RPL15: variants seen among roughly 807,000 people sequenced by gnomAD.
RPL15 encodes the protein large ribosomal subunit protein eL15.
For synonymous variants in RPL15, 97 were observed against 95.1 expected (o/e 1.02, Z -0.12); for missense variants, 161 against 271.8 (o/e 0.59, Z 2.87).
Position 23,920,919 on chromosome 3 carries a change from CAAA to C in RPL15, c.*1421_*1423del. The C allele has an allele frequency of 4.4e-6, 1 of 228,884 alleles. No individual in the cohort carries two copies. Among genetic ancestry groups the C allele is most frequent in the Non-Finnish European group, 7.2e-6 (1 of 138,168 alleles). 14.2% of individuals were successfully genotyped at this position (228,884 alleles called of 1,614,324 possible). A position where few individuals can be genotyped will look rare whatever the true frequency, so the allele number is the denominator to read the frequency against. ...AAAGCAAACCAAATGCCCTAACCAG[CAAA>C]AAGGCATCAAAATGTGATTATAGAA... On this transcript the variant is annotated 3_prime_UTR_variant, in exon 4 of 4. Transcript: ENST00000307839.
downstream of RPL15, chr3:23,921,522 A>G (rs1057081605): frequency 1.5e-6 from 1 of 676,082 alleles, no homozygotes. Context: ...CATTTGCTTT[A>G]CTATTTCTAT....
chr3:23,923,704 G>C (rs1330168105), downstream of RPL15: 1 of 152,186 alleles, frequency 6.6e-6, no homozygotes, highest in Non-Finnish European at 1.5e-5. Context: ...GAATGGCAGA[G>C]TTAAAAATTG....
Position 23,919,366 on chromosome 3 carries a change from G to A in RPL15, c.480G>A (p.Glu160=), listed in dbSNP as rs1471371877. The A allele has an allele frequency of 1.2e-6, 2 of 1,602,700 alleles. No homozygotes were observed. Among genetic ancestry groups the A allele is most frequent in the Non-Finnish European group, 1.7e-6 (2 of 1,179,938 alleles). The change falls in exon 4 of 4, where the codon GAG becomes GAA. Residue 160 remains glutamate, a synonymous_variant. Coordinates refer to ENST00000307839, the MANE Select transcript of RPL15 (RefSeq NM_002948.5). Reference sequence around the variant, plus strand: ...CCAAACCAGTCCACAAGCACAGGGAGATGCGTGGGCTGACATCTGCAGGCC... The same window carrying A: ...CCAAACCAGTCCACAAGCACAGGGAAATGCGTGGGCTGACATCTGCAGGCC... The part of the protein sequence containing the change: ...WITKPVHKHR[E]MRGLTSAGRK...
In RPL15 at chr3:23,920,852, C is replaced by A. The variant is rs142124915; in HGVS notation, c.*1351C>A. The A allele has an allele frequency of 4.8e-5, 42 of 877,954 alleles. No homozygotes were observed. In the East Asian group the frequency reaches 3.5e-3, roughly 73 times the overall value. The allele number at this position is 877,954 out of a possible 1,614,324, so 54.4% of individuals were successfully genotyped here. A position where few individuals can be genotyped will look rare whatever the true frequency, so the allele number is the denominator to read the frequency against. On this transcript the variant is annotated 3_prime_UTR_variant, in exon 4 of 4. Coordinates refer to ENST00000307839, the MANE Select transcript of RPL15 (RefSeq NM_002948.5). ...TGTCTATTAAACTAAAACAAATGGA[C>A]CTTCTGTTATTTTTTGTCATCTTAC...
At chr3:23,919,165 G>A (rs1159849491) in intron 3 of RPL15, 31 bp from the exon 4 acceptor site, 2 of 1,501,644 alleles carry the variant, frequency 1.3e-6, no homozygotes, top group African/African-American at 2.8e-5. Flanking sequence ...CAATGTGGGA[G>A]ATTGACCTTG....
intron 1 of RPL15, chr3:23,917,625 C>G (rs1160105099): frequency 2.1e-6 from 1 of 477,742 alleles, no homozygotes; most frequent in African/African-American, 2.0e-5. Flanking sequence ...ATTCGCCCCA[C>G]CAAAACGTGC....
downstream of RPL15, chr3:23,922,293 A>G (rs1158227036): frequency 6.6e-6 from 1 of 152,286 alleles, no homozygotes; most frequent in Admixed American, 6.5e-5. This position sits in a 1 kb window ranked among gnomAD's most constrained non-coding sequence, Gnocchi z 4.2. Flanking sequence ...AGTTACTAGT[A>G]TTAATCCTTT....
At chr3:23,918,669 C>T in intron 3 of RPL15, 93 bp downstream of exon 3, 2 of 1,416,064 alleles carry the variant, frequency 1.4e-6, no homozygotes, top group South Asian at 2.6e-5. Flanking sequence ...CTTAGGTGAG[C>T]TGTCTCGTAT....
In RPL15 at chr3:23,920,368, T is replaced by C. The variant is rs1705009521; in HGVS notation, c.*867T>C. ...CCACTCCCATAGGCTACAGAAAAAG[T>C]CACAAGCGCATGGTTTCCAACCATA... is the stretch of plus-strand genomic sequence containing the variant. On this transcript the variant is annotated 3_prime_UTR_variant, in exon 4 of 4. Transcript: ENST00000307839. The C allele has an allele frequency of 7.1e-6, 7 of 985,372 alleles. No individual in the cohort carries two copies. The South Asian group carries it at 2.8e-4, about 40-fold the overall frequency. 61.0% of individuals were successfully genotyped at this position (985,372 alleles called of 1,614,324 possible).
In RPL15 at chr3:23,917,819, A is replaced by C. The variant is rs372207088; in HGVS notation, c.-10-31A>C. 89 of 1,576,378 alleles carry C rather than the reference A, an allele frequency of 5.6e-5. No homozygotes were observed. The African/African-American group carries it at 7.7e-4, about 14-fold the overall frequency. On this transcript the variant is annotated intron_variant, in intron 1 of 3. Transcript: ENST00000307839. ...AGTCGTCTTATTGTACTTAAAGCGG[A>C]TGATATTTAATACACAGTTTGATTT...
Position 23,920,095 on chromosome 3 carries a change from A to G in RPL15, c.*594A>G, listed in dbSNP as rs1704989613. 1.0e-6 allele frequency: 1 copy of G among 985,798 alleles called. No individual in the cohort carries two copies. The allele number at this position is 985,798 out of a possible 1,614,324, so 61.1% of individuals were successfully genotyped here. ...GGTGTGTTTTGAAGTTGAATGTGCG[A>G]TAAAATTATTAGCCTTAAGATTGGT... On this transcript the variant is annotated 3_prime_UTR_variant, in exon 4 of 4. Coordinates refer to ENST00000307839, the MANE Select transcript of RPL15 (RefSeq NM_002948.5).
At position 23,919,358 on chromosome 3, in the gene RPL15, C is replaced by T; in HGVS notation, c.472C>T (p.His158Tyr). 5.0e-6 allele frequency: 8 copies of T among 1,602,694 alleles called. No individual in the cohort carries two copies. Among genetic ancestry groups the T allele is most frequent in the Non-Finnish European group, 6.8e-6 (8 of 1,179,836 alleles). ...TQWITKPVHKHREMRGLTSAG... is the reference protein window; with the variant it reads ...TQWITKPVHKYREMRGLTSAG... ...GTGGATCACCAAACCAGTCCACAAGCACAGGGAGATGCGTGGGCTGACATC... is the reference window on the plus strand; with the variant it reads ...GTGGATCACCAAACCAGTCCACAAGTACAGGGAGATGCGTGGGCTGACATC... Residue 158 changes from histidine (H) to tyrosine (Y), a missense_variant, in exon 4 of 4, where the codon CAC becomes TAC. Transcript: ENST00000307839.
chr3:23,918,137 G>T, intron 2 of RPL15, 106 bp downstream of exon 2: 4 of 1,391,064 alleles, frequency 2.9e-6, no homozygotes, highest in Non-Finnish European at 3.9e-6. Flanking sequence ...TTCGCATAGG[G>T]CTTTGGCAGA....
At chr3:23,921,502 A>G (rs1575124399), downstream of RPL15, 2 of 668,194 alleles carry the variant, frequency 3.0e-6, no homozygotes, top group East Asian at 2.7e-5. Flanking sequence ...ACCGCCCCAC[A>G]AGCTGTTCCC....
chr3:23,919,005 G>A (rs1704900466), intron 3 of RPL15, 191 bp from the exon 4 acceptor site: 1 of 604,364 alleles, frequency 1.7e-6, no homozygotes, highest in South Asian at 2.0e-5. Context: ...TTCAGTCTAT[G>A]TGTGTTGTTT....
At position 23,920,103 on chromosome 3, in the gene RPL15, A is replaced by T; in HGVS notation, c.*602A>T. The T allele has an allele frequency of 2.0e-6, 2 of 985,918 alleles. No individual in the cohort carries two copies. The highest frequency in any genetic ancestry group is 2.4e-6 in the Non-Finnish European group (2 of 829,968). The allele number at this position is 985,918 out of a possible 1,614,324, so 61.1% of individuals were successfully genotyped here. A position where few individuals can be genotyped will look rare whatever the true frequency, so the allele number is the denominator to read the frequency against. On this transcript the variant is annotated 3_prime_UTR_variant, in exon 4 of 4. Transcript: ENST00000307839. The stretch of plus-strand genomic sequence containing the variant: ...TTGAAGTTGAATGTGCGATAAAATT[A>T]TTAGCCTTAAGATTGGTAAGCTAGC...
chr3:23,917,670 C>T (rs1704714122), intron 1 of RPL15, 180 bp from the exon 2 acceptor site: 1 of 601,430 alleles, frequency 1.7e-6, no homozygotes, highest in Non-Finnish European at 2.9e-6. Context: ...GCGGAAGTGA[C>T]TGAACGCGGC....
Position 23,920,756 on chromosome 3 carries a change from T to C in RPL15, c.*1255T>C. The C allele has an allele frequency of 4.1e-6, 4 of 975,052 alleles. No individual in the cohort carries two copies. Among genetic ancestry groups the C allele is most frequent in the Non-Finnish European group, 4.9e-6 (4 of 820,458 alleles). 60.4% of individuals were successfully genotyped at this position (975,052 alleles called of 1,614,324 possible). A position where few individuals can be genotyped will look rare whatever the true frequency, so the allele number is the denominator to read the frequency against. ...TAAAAGTTCTTGAGACCTAAATTTC[T>C]TCACAAAAAAAGAAAAGATCTTAAG... On this transcript the variant is annotated 3_prime_UTR_variant, in exon 4 of 4. Coordinates refer to ENST00000307839, the MANE Select transcript of RPL15 (RefSeq NM_002948.5).
chr3:23,917,060 C>G (rs1704622232), upstream of RPL15: 1 of 152,610 alleles, frequency 6.6e-6, no homozygotes, highest in African/African-American at 2.4e-5. Context: ...TGTCCCATGA[C>G]GCTCTGGGAG....
Sources: gnomAD v4.1 joint callset for allele counts on GRCh38, gnomAD v4.1.1 for gene constraint, Gnocchi (gnomAD v3.1) non-coding constraint, MANE v1.5 for transcripts, NCBI Gene and HGNC (gene_info 2026-07-23, HGNC 2026-07-21) for gene names.